Variants in SLC9A9 observed in about 807,000 individuals in gnomAD.
SLC9A9 encodes sodium/hydrogen exchanger 9.
Under a neutral mutation model 77.8 loss-of-function variants are expected in SLC9A9, and 62 were observed. The ratio of observed to expected loss-of-function variants is 0.80; its 90% CI spans 0.65 to 0.98. SLC9A9 has a LOEUF of 0.98. Ranked by LOEUF, SLC9A9 falls within the 50% of genes least tolerant of loss-of-function variation. SLC9A9 has a pLI of 0.00. For synonymous variants in SLC9A9, 320 were observed against 283.5 expected (o/e 1.13, Z -1.29); for missense variants, 775 against 774.9 (o/e 1.00, Z 0.00).
intron 4 of SLC9A9, among the ~76,000 whole-genome samples, chr3:143,749,840 G>C (rs1351600508): frequency 6.6e-6 from 1 of 152,102 alleles, no homozygotes; most frequent in Non-Finnish European, 1.5e-5. Context: ...TGAGAACTGC[G>C]GGCTAGACTA....
At chr3:143,781,400 A>G (rs1051529995) in intron 4 of SLC9A9, among the ~76,000 whole-genome samples, 25 of 151,960 alleles carry the variant, frequency 1.6e-4, no homozygotes, top group African/African-American at 5.6e-4. Context: ...ACGCATGTAA[A>G]GGGCCCAGTA....
At chr3:143,457,533 T>C (rs577080545) in intron 12 of SLC9A9, among the ~76,000 whole-genome samples, 122 of 152,322 alleles carry the variant, frequency 8.0e-4, no homozygotes, top group African/African-American at 2.7e-3. Flanking sequence ...CTCAATGTTC[T>C]AATCCTGGAA....
intron 4 of SLC9A9, among the ~76,000 whole-genome samples, chr3:143,728,875 T>C (rs1934731469): frequency 6.6e-6 from 1 of 151,798 alleles, no homozygotes; most frequent in Non-Finnish European, 1.5e-5. Context: ...CTGTAACTGA[T>C]ATGGTGGAGA....
chr3:143,478,749 T>C (rs2035524280), intron 11 of SLC9A9, among the ~76,000 whole-genome samples: 2 of 152,252 alleles, frequency 1.3e-5, no homozygotes, highest in African/African-American at 4.8e-5. Flanking sequence ...GATTTGTGCC[T>C]GGCACAGATA....
intron 4 of SLC9A9, among the ~76,000 whole-genome samples, chr3:143,778,240 C>T (rs1178340386): frequency 6.6e-6 from 1 of 152,138 alleles, no homozygotes; most frequent in Admixed American, 6.5e-5. Context: ...ACAGACAACA[C>T]TATCAGTAAG....
intron 9 of SLC9A9, among the ~76,000 whole-genome samples, chr3:143,520,979 C>A (rs1246951576): frequency 3.3e-5 from 5 of 152,118 alleles, no homozygotes; most frequent in Non-Finnish European, 7.4e-5. Flanking sequence ...GACACTGATC[C>A]TTTGACAGTC....
intron 14 of SLC9A9, among the ~76,000 whole-genome samples, chr3:143,273,459 A>T (rs377046573): frequency 2.6e-5 from 4 of 152,146 alleles, no homozygotes; most frequent in Non-Finnish European, 5.9e-5. Context: ...CAAAGAAGAG[A>T]TCATGTGAGA....
chr3:143,674,102 A>G (rs1476228311), intron 5 of SLC9A9, among the ~76,000 whole-genome samples: 1 of 152,228 alleles, frequency 6.6e-6, no homozygotes, highest in Non-Finnish European at 1.5e-5. Context: ...CAATTTACAC[A>G]TAATTTTCCA....
intron 4 of SLC9A9, among the ~76,000 whole-genome samples, chr3:143,764,441 C>CT (rs1576710511): frequency 6.6e-6 from 1 of 152,220 alleles, no homozygotes; most frequent in Non-Finnish European, 1.5e-5. Context: ...GTGCCAACTG[C>CT]TGCCCTCAGA....
chr3:143,706,016 A>G (rs1388985693), intron 4 of SLC9A9, among the ~76,000 whole-genome samples: 1 of 152,196 alleles, frequency 6.6e-6, no homozygotes, highest in Non-Finnish European at 1.5e-5. Flanking sequence ...AGACTTAAGA[A>G]AGGCTTTGAG....
intron 6 of SLC9A9, among the ~76,000 whole-genome samples, chr3:143,600,599 C>T (rs1048979267): frequency 2.3e-4 from 35 of 152,308 alleles, no homozygotes; most frequent in African/African-American, 7.7e-4. Context: ...TGGTGACATT[C>T]TTATTCCCTA....
chr3:143,267,572 T>TG (rs1937768440), intron 15 of SLC9A9, among the ~76,000 whole-genome samples: 1 of 152,090 alleles, frequency 6.6e-6, no homozygotes, highest in South Asian at 2.1e-4. Flanking sequence ...AGGCTGGTCT[T>TG]GAACTCCTGA....
chr3:143,507,047 ACCT>A (rs1228849027), intron 9 of SLC9A9, among the ~76,000 whole-genome samples: 1 of 148,140 alleles, frequency 6.8e-6, no homozygotes, highest in Non-Finnish European at 1.5e-5. Flanking sequence ...GAGATTGCTG[ACCT>A]CCTTCCTTAT....
chr3:143,804,677 G>A (rs1460607038), intron 2 of SLC9A9, among the ~76,000 whole-genome samples: 1 of 152,002 alleles, frequency 6.6e-6, no homozygotes, highest in Non-Finnish European at 1.5e-5. Context: ...TTTGCAAATG[G>A]GACCAAAGAG....
chr3:143,307,340 C>T (rs77225538), intron 14 of SLC9A9, among the ~76,000 whole-genome samples: 269 of 152,342 alleles, frequency 1.8e-3, no homozygotes, highest in African/African-American at 6.3e-3. Context: ...TCTAATCTGT[C>T]CCACAGTGAC....
At chr3:143,788,795 G>T (rs918202075) in intron 4 of SLC9A9, among the ~76,000 whole-genome samples, 1 of 150,406 alleles carries the variant, frequency 6.6e-6, no homozygotes, top group African/African-American at 2.4e-5. Context: ...AAAAATATTT[G>T]CAAAATAAAT....
At chr3:143,505,822 G>A (rs1356540757) in intron 9 of SLC9A9, among the ~76,000 whole-genome samples, 1 of 152,124 alleles carries the variant, frequency 6.6e-6, no homozygotes, top group Non-Finnish European at 1.5e-5. Flanking sequence ...TCATTAAACT[G>A]AATAAATACT....
chr3:143,266,544 C>T lies in SLC9A9; in HGVS notation c.*158G>A. 1.4e-6 allele frequency: 1 copy of T among 734,390 alleles called. No homozygotes were observed. The highest frequency in any genetic ancestry group is 2.7e-5 in the East Asian group (1 of 36,864). The allele number at this position is 734,390 out of a possible 1,614,324, so 45.5% of individuals were successfully genotyped here. A position where few individuals can be genotyped will look rare whatever the true frequency, so the allele number is the denominator to read the frequency against. Reference sequence around the variant, plus strand: ...GAGGGATAATAAAATCTCATTTCTTCAGGCACCAGAGGATCCATGTGACAA... The same window carrying T: ...GAGGGATAATAAAATCTCATTTCTTTAGGCACCAGAGGATCCATGTGACAA... On this transcript the variant is annotated 3_prime_UTR_variant, in exon 16 of 16. Transcript: ENST00000316549.
At chr3:143,672,362 G>T (rs1306091890) in intron 5 of SLC9A9, among the ~76,000 whole-genome samples, 1 of 152,074 alleles carries the variant, frequency 6.6e-6, no homozygotes, top group African/African-American at 2.4e-5. Flanking sequence ...AAAAAGATGT[G>T]ATCCAAACAA....
Sources: gnomAD v4.1 joint callset for allele counts (sites outside exome capture counted in the v4.1 genomes callset) on GRCh38, gnomAD v4.1.1 for gene constraint, MANE v1.5 for transcripts, NCBI Gene and HGNC (gene_info 2026-07-23, HGNC 2026-07-21) for gene names.